Variants in MARCHF1 observed in about 807,000 individuals in gnomAD.
The protein encoded by MARCHF1 is E3 ubiquitin-protein ligase MARCHF1.
A neutral mutation model predicts 54.2 loss-of-function variants in MARCHF1; 40 were observed. That is an observed-to-expected ratio of 0.74 (90% CI 0.57 to 0.96). The LOEUF is 0.96. Ranked by LOEUF, MARCHF1 falls within the 40% of genes least tolerant of loss-of-function variation. The pLI is 0.00. For missense variants in MARCHF1, 586 were observed against 656.5 expected, an observed-to-expected ratio of 0.89 and a Z score of 1.17; for synonymous variants, 236 against 236.3, an observed-to-expected ratio of 1.00 and a Z score of 0.01.
intron 3 of MARCHF1, among the ~76,000 whole-genome samples, chr4:163,908,431 A>G (rs1033937142): frequency 6.6e-6 from 1 of 152,226 alleles, no homozygotes; most frequent in African/African-American, 2.4e-5. Context: ...TAAGCTGGTT[A>G]AGAAGAATGC....
At chr4:164,080,485 GA>G (rs1057492896) in intron 2 of MARCHF1, among the ~76,000 whole-genome samples, 60 of 151,916 alleles carry the variant, frequency 3.9e-4, no homozygotes, top group Non-Finnish European at 7.7e-4. Flanking sequence ...CAGGTTAGAG[GA>G]AAAAAATAGA....
chr4:163,679,707 G>T (rs1744034888), intron 5 of MARCHF1, among the ~76,000 whole-genome samples: 1 of 151,826 alleles, frequency 6.6e-6, no homozygotes, highest in Non-Finnish European at 1.5e-5. Flanking sequence ...CCGCCTCCCG[G>T]GTTCACGCCA....
At chr4:163,866,265 G>A (rs914091984) in intron 3 of MARCHF1, among the ~76,000 whole-genome samples, 1 of 150,428 alleles carries the variant, frequency 6.6e-6, no homozygotes, top group African/African-American at 2.4e-5. Context: ...AAATTATTTT[G>A]CAAATTATAA....
At position 164,176,099 on chromosome 4, in the gene MARCHF1, C is replaced by A. The variant is rs565845908; in HGVS notation, c.-322-64437G>T. Among the ~76,000 whole-genome samples, 14 of 152,210 alleles carry A rather than the reference C, an allele frequency of 9.2e-5. No individual in the cohort carries two copies. The South Asian group carries it at 2.9e-3, about 32-fold the overall frequency. On this transcript the variant is annotated intron_variant, in intron 1 of 9. Coordinates refer to ENST00000514618, the MANE Select transcript of MARCHF1 (RefSeq NM_001394959.1). ...TAAAGAAATAAACTCAACACCTAAA[C>A]GTTTCCAAAGACCTTTGAATATCAA...
rs933469341 is a variant in MARCHF1, at chr4:164,349,494, T to C, written c.-323+34376A>G. 3.9e-5 allele frequency among the ~76,000 whole-genome samples: 6 copies of C among 152,300 alleles called. No homozygotes were observed. The East Asian group carries it at 9.6e-4, about 24-fold the overall frequency. On this transcript the variant is annotated intron_variant, in intron 1 of 9. Coordinates refer to ENST00000514618, the MANE Select transcript of MARCHF1 (RefSeq NM_001394959.1). ...ATCTTTATATAAGAAAGGCTGGTGG[T>C]ACTTTTTTCTAATATATATCCTTTT...
Position 164,100,258 on chromosome 4 carries a change from T to C in MARCHF1, c.-248+11330A>G, listed in dbSNP as rs572505830. 2.6e-5 allele frequency among the ~76,000 whole-genome samples: 4 copies of C among 152,322 alleles called. No homozygotes were observed. In the South Asian group the frequency reaches 8.3e-4, roughly 32 times the overall value. On this transcript the variant is annotated intron_variant, in intron 2 of 9. Transcript: ENST00000514618. ...GCATAAATCTATTTAGAAACCACATTCACCTGGCAGATTAATTACAATAGA... is the reference window on the plus strand; with the variant it reads ...GCATAAATCTATTTAGAAACCACATCCACCTGGCAGATTAATTACAATAGA...
At chr4:164,210,586 C>A (rs1167248395) in intron 1 of MARCHF1, among the ~76,000 whole-genome samples, 1 of 151,966 alleles carries the variant, frequency 6.6e-6, no homozygotes, top group Non-Finnish European at 1.5e-5. Context: ...ATTGGCATTC[C>A]TTGGTATATA....
intron 1 of MARCHF1, among the ~76,000 whole-genome samples, chr4:164,327,505 C>A (rs1200804488): frequency 6.6e-6 from 1 of 152,028 alleles, no homozygotes; most frequent in East Asian, 1.9e-4. Flanking sequence ...TGAAATGACA[C>A]AGGAAAGAGA....
rs1301980596 is a variant in MARCHF1, at chr4:164,176,947, T to A, written c.-322-65285A>T. Among the ~76,000 whole-genome samples the A allele has an allele frequency of 7.1e-4, 11 of 15,536 alleles. 2 individuals carry two copies. The highest frequency in any genetic ancestry group is 2.7e-3 in the African/African-American group (11 of 4,096). 10.2% of individuals were successfully genotyped at this position (15,536 alleles called of 152,430 possible). ...TTATCTGAGTACCTTGTGCGCTCTC[T>A]CTCTCTCTCTCTCTCTCTCTCTCTC... On this transcript the variant is annotated intron_variant, in intron 1 of 9. Transcript: ENST00000514618.
At chr4:164,204,673 C>T (rs1731556248) in intron 1 of MARCHF1, among the ~76,000 whole-genome samples, 1 of 152,154 alleles carries the variant, frequency 6.6e-6, no homozygotes, top group South Asian at 2.1e-4. Context: ...AAAATGCATA[C>T]TATGACAGGC....
intron 4 of MARCHF1, among the ~76,000 whole-genome samples, chr4:163,720,142 A>T (rs192991508): frequency 0.014 from 2,082 of 152,258 alleles, 39 homozygotes; most frequent in African/African-American, 0.048. Flanking sequence ...GTTTTCTTCT[A>T]GGGTTTTTAT....
At chr4:163,661,421 C>G (rs1309194904) in intron 5 of MARCHF1, among the ~76,000 whole-genome samples, 1 of 151,928 alleles carries the variant, frequency 6.6e-6, no homozygotes, top group African/African-American at 2.4e-5. Context: ...CAAGCTGTTG[C>G]TTTGCCCTGA....
At chr4:164,125,540 C>T (rs1355587060) in intron 1 of MARCHF1, among the ~76,000 whole-genome samples, 1 of 152,136 alleles carries the variant, frequency 6.6e-6, no homozygotes, top group Admixed American at 6.5e-5. Flanking sequence ...TCCAAAATCA[C>T]TCCTGAAATG....
Position 164,129,490 on chromosome 4 carries a change from G to A in MARCHF1, c.-322-17828C>T, listed in dbSNP as rs745496009. ...TTGAGACCTTCCTTCCAATTTTAAT[G>A]CTGGAGTGAATTATTTGAGAATAAA... On this transcript the variant is annotated intron_variant, in intron 1 of 9. Coordinates refer to ENST00000514618, the MANE Select transcript of MARCHF1 (RefSeq NM_001394959.1). Among the ~76,000 whole-genome samples, 38 of 152,114 alleles carry A rather than the reference G, an allele frequency of 2.5e-4. 1 individual carries two copies. Among genetic ancestry groups the A allele is most frequent in the Non-Finnish European group, 4.7e-4 (32 of 68,014 alleles).
intron 5 of MARCHF1, among the ~76,000 whole-genome samples, chr4:163,619,240 A>G (rs1741604124): frequency 6.6e-6 from 1 of 152,188 alleles, no homozygotes; most frequent in Non-Finnish European, 1.5e-5. Flanking sequence ...TCTGGGTACT[A>G]GAAAGGTCAT....
At position 164,309,494 on chromosome 4, in the gene MARCHF1, T is replaced by C. The variant is rs549277269; in HGVS notation, c.-323+74376A>G. The stretch of plus-strand genomic sequence containing the variant: ...TAGATCTAGTACAACTAGCACAGCA[T>C]CCTCAGTCAGGGGGCTGAGTGCAAG... On this transcript the variant is annotated intron_variant, in intron 1 of 9. Transcript: ENST00000514618. Among the ~76,000 whole-genome samples the C allele has an allele frequency of 1.7e-4, 26 of 151,020 alleles. No homozygotes were observed. The South Asian group carries it at 2.1e-3, about 12-fold the overall frequency.
intron 5 of MARCHF1, among the ~76,000 whole-genome samples, chr4:163,621,369 C>A (rs13117153): frequency 0.3 from 45,425 of 151,992 alleles, 8,473 homozygotes; most frequent in Non-Finnish European, 0.42. Context: ...GAGGAATGGA[C>A]CTGTAGCACA....
At chr4:164,115,148 CAT>C (rs1333608516) in intron 1 of MARCHF1, among the ~76,000 whole-genome samples, 1 of 151,954 alleles carries the variant, frequency 6.6e-6, no homozygotes, top group Non-Finnish European at 1.5e-5. Flanking sequence ...TGAAAAAACT[CAT>C]ATGTTCTCCG....
intron 7 of MARCHF1, among the ~76,000 whole-genome samples, chr4:163,588,199 G>C (rs1740473809): frequency 6.6e-6 from 1 of 152,140 alleles, no homozygotes; most frequent in African/African-American, 2.4e-5. Context: ...ACTGACTTAG[G>C]AAGCAGCCAC....
Sources: allele counts gnomAD v4.1 joint callset (sites outside exome capture counted in the v4.1 genomes callset), GRCh38; gene constraint gnomAD v4.1.1; transcripts MANE v1.5; gene names NCBI Gene and HGNC (gene_info 2026-07-23, HGNC 2026-07-21).